Variants in IPO11 observed in about 807,000 individuals in gnomAD.
IPO11 encodes importin-11.
Under a neutral mutation model 143.2 loss-of-function variants are expected in IPO11, and 66 were observed. The observed-to-expected ratio is 0.46, with a 90% CI of 0.38 to 0.57. The LOEUF (loss-of-function observed/expected upper bound fraction) is 0.57, where lower values mean the gene tolerates loss of function less well. Among genes scored for constraint, IPO11 ranks in the 20% least tolerant of loss-of-function variants. IPO11 has a pLI of 0.00. For missense variants in IPO11, 1,026 were observed against 1,141.0 expected, an observed-to-expected ratio of 0.90 and a Z score of 1.45; for synonymous variants, 385 against 377.8, an observed-to-expected ratio of 1.02 and a Z score of -0.22.
intron 1 of IPO11, among the ~76,000 whole-genome samples, chr5:62,435,092 G>GTATATATGTATA (rs1347601342): frequency 2.6e-4 from 15 of 58,266 alleles, no homozygotes; most frequent in African/African-American, 8.5e-4. Context: ...GTGTATATAT[G>GTATATATGTATA]TATATATGTA....
intron 3 of IPO11, among the ~76,000 whole-genome samples, chr5:62,449,496 A>G (rs1226089649): frequency 1.3e-5 from 2 of 151,874 alleles, no homozygotes; most frequent in East Asian, 1.9e-4. Flanking sequence ...ATTTACTTGT[A>G]TAGATTTTTT....
chr5:62,561,167 T>C lies in IPO11; in HGVS notation c.2492T>C (p.Met831Thr). 2 of 1,609,510 alleles carry C rather than the reference T, an allele frequency of 1.2e-6. No individual in the cohort carries two copies. The highest frequency in any genetic ancestry group is 1.7e-6 in the Non-Finnish European group (2 of 1,178,036). ...CAGCTTTTGGGAAATATGATTGAAATGTGGGTTGATCGAATGGACAACATT... is the reference window on the plus strand; with the variant it reads ...CAGCTTTTGGGAAATATGATTGAAACGTGGGTTGATCGAATGGACAACATT... ...MDQLLGNMIE[M>T]WVDRMDNITQ... is the part of the protein sequence containing the mutation. The change falls in exon 27 of 30, where the codon ATG (methionine) becomes ACG (threonine). Residue 831 changes from methionine to threonine, a missense_variant. By Grantham distance (81) the Met-to-Thr change is moderately conservative. This residue lies in a region of IPO11 where 351 missense variants were observed against 358.9 expected (regional missense o/e 0.98). Coordinates refer to ENST00000325324, the MANE Select transcript of IPO11 (RefSeq NM_016338.5).
At chr5:62,608,630 C>G (rs1745817009) in intron 29 of IPO11, among the ~76,000 whole-genome samples, 1 of 152,142 alleles carries the variant, frequency 6.6e-6, no homozygotes, top group Non-Finnish European at 1.5e-5. Flanking sequence ...CCCTTTTCTC[C>G]CCACTGAGTT....
Position 62,490,125 on chromosome 5 carries a change from T to A in IPO11, c.1368T>A (p.Ala456=), listed in dbSNP as rs553668094. 1 of 1,592,864 alleles carries A rather than the reference T, an allele frequency of 6.3e-7. No individual in the cohort carries two copies. The highest frequency in any genetic ancestry group is 1.2e-5 in the South Asian group (1 of 86,066). ...AAATTTTCTTCTCAGTGTATAATGC[T>A]GTTGGATTAGCTGCTTATGAGCTCT... ...ALLIKDAVYN[A]VGLAAYELFD... Residue 456 remains alanine, a synonymous_variant, in exon 15 of 30, where the codon GCT becomes GCA. Coordinates refer to ENST00000325324, the MANE Select transcript of IPO11 (RefSeq NM_016338.5).
At position 62,627,244 on chromosome 5, in the gene IPO11, G is replaced by A. The variant is rs1282105443; in HGVS notation, c.2854G>A (p.Gly952Ser). The change falls in exon 30 of 30, where the codon GGT becomes AGT. Residue 952 changes from glycine to serine, a missense_variant. Gly to Ser is a moderately conservative substitution (Grantham distance 56). Transcript: ENST00000325324. The part of the protein sequence containing the change: ...KAQQEMLGEQ[G>S]FQSLMETVDT... ...ACAGCAGGAGATGCTAGGAGAACAA[G>A]GTTTCCAGTCCCTCATGGAAACAGT... The A allele has an allele frequency of 6.2e-7, 1 of 1,613,988 alleles. No homozygotes were observed. The highest frequency in any genetic ancestry group is 1.3e-5 in the African/African-American group (1 of 74,912).
chr5:62,437,487 C>G (rs1265526552), intron 2 of IPO11, 70 bp downstream of exon 2: 1 of 1,334,332 alleles, frequency 7.5e-7, no homozygotes, highest in Non-Finnish European at 1.0e-6. Context: ...TTTTAAAACC[C>G]TAGTTTTATT....
At chr5:62,478,404 T>C (rs1746045225) in intron 9 of IPO11, among the ~76,000 whole-genome samples, 1 of 152,152 alleles carries the variant, frequency 6.6e-6, no homozygotes, top group South Asian at 2.1e-4. Context: ...TGGGCTCAAG[T>C]GATCCACCCA....
intron 1 of IPO11, among the ~76,000 whole-genome samples, chr5:62,426,792 T>C (rs919966569): frequency 4.7e-5 from 7 of 148,870 alleles, no homozygotes; most frequent in Non-Finnish European, 1.0e-4. Context: ...GTATTATATA[T>C]ATATTTTATA....
At chr5:62,614,892 G>T (rs1188659673) in intron 29 of IPO11, among the ~76,000 whole-genome samples, 1 of 152,126 alleles carries the variant, frequency 6.6e-6, no homozygotes. Context: ...GTGGCTCTCA[G>T]TGAGCTGTAT....
At chr5:62,470,192 G>T in intron 6 of IPO11, 58 bp from the exon 7 acceptor site, 1 of 1,499,198 alleles carries the variant, frequency 6.7e-7, no homozygotes, top group South Asian at 1.1e-5. Context: ...TCTTTCTTGT[G>T]ATTGTAATTT....
chr5:62,555,479 A>ATTATTTATTTATTTAT lies in IPO11; in HGVS notation c.2460+4170_2460+4185dup, dbSNP rs138722983. 8.6e-3 allele frequency among the ~76,000 whole-genome samples: 1,174 copies of ATTATTTATTTATTTAT among 137,242 alleles called. 23 individuals carry two copies. The highest frequency in any genetic ancestry group is 0.029 in the African/African-American group (1,047 of 36,236). 90.0% of individuals were successfully genotyped at this position (137,242 alleles called of 152,430 possible). ...AGATGCGTGCCACCACACCTGGCTAATTATTTATTTATTTATTTATTTATT... is the reference window on the plus strand; with the variant it reads ...AGATGCGTGCCACCACACCTGGCTAATTATTTATTTATTTATTTATTTATTTATTTATTTATTTATT... On this transcript the variant is annotated intron_variant, in intron 26 of 29. Coordinates refer to ENST00000325324, the MANE Select transcript of IPO11 (RefSeq NM_016338.5).
chr5:62,609,477 A>G (rs993580481), intron 29 of IPO11, among the ~76,000 whole-genome samples: 1 of 152,240 alleles, frequency 6.6e-6, no homozygotes, highest in African/African-American at 2.4e-5. Context: ...CTAGTGCCTA[A>G]CAGCATGTAT....
intron 29 of IPO11, among the ~76,000 whole-genome samples, chr5:62,608,161 T>G (rs1334308053): frequency 6.6e-6 from 1 of 152,160 alleles, no homozygotes; most frequent in Admixed American, 6.5e-5. Context: ...CTCCAACATT[T>G]CTCTCTCATC....
chr5:62,540,843 C>T (rs1332295930), intron 24 of IPO11, among the ~76,000 whole-genome samples: 1 of 152,118 alleles, frequency 6.6e-6, no homozygotes, highest in Non-Finnish European at 1.5e-5. Context: ...ATAGCTGTCT[C>T]ATTATTTAGT....
intron 5 of IPO11, among the ~76,000 whole-genome samples, chr5:62,466,491 A>G (rs184331219): frequency 6.6e-6 from 1 of 152,344 alleles, no homozygotes; most frequent in East Asian, 1.9e-4. Context: ...GTAAATAGCC[A>G]TGTAGACTCA....
At chr5:62,447,777 G>T (rs140786228) in intron 3 of IPO11, among the ~76,000 whole-genome samples, 1 of 108,140 alleles carries the variant, frequency 9.2e-6, no homozygotes, top group Non-Finnish European at 2.1e-5. Context: ...GGTAGAGACA[G>T]GGTTTCGCCA....
At chr5:62,533,370 C>T (rs1169729369) in intron 22 of IPO11, among the ~76,000 whole-genome samples, 1 of 151,882 alleles carries the variant, frequency 6.6e-6, no homozygotes, top group Non-Finnish European at 1.5e-5. Context: ...CACCACTGCC[C>T]CAGCTAATTT....
chr5:62,520,996 C>G (rs1416012123), intron 20 of IPO11, among the ~76,000 whole-genome samples: 2 of 152,214 alleles, frequency 1.3e-5, no homozygotes, highest in Non-Finnish European at 1.5e-5. Flanking sequence ...CCTATTTCTC[C>G]ACATCCTCTC....
chr5:62,526,919 A>G (rs1163092956), intron 21 of IPO11, among the ~76,000 whole-genome samples: 1 of 152,268 alleles, frequency 6.6e-6, no homozygotes, highest in East Asian at 1.9e-4. Context: ...TAAAGAAAGC[A>G]AATCATAGAA....
Sources: gnomAD v4.1 joint callset for allele counts (sites outside exome capture counted in the v4.1 genomes callset) on GRCh38, gnomAD v4.1.1 for gene constraint, gnomAD v4.1.1 regional missense constraint, MANE v1.5 for transcripts, NCBI Gene and HGNC (gene_info 2026-07-23, HGNC 2026-07-21) for gene names.